The following TBC1D5 variants were observed in gnomAD, a reference collection of about 807,000 sequenced individuals.
The protein encoded by TBC1D5 is TBC1 domain family member 5.
In TBC1D5, 75 loss-of-function variants were observed where a neutral mutation model predicts 100.3. The observed-to-expected ratio is 0.75, with a 90% CI of 0.62 to 0.91. The LOEUF is 0.91. TBC1D5 is among the 40% of genes least tolerant of loss of function. The pLI, the probability that TBC1D5 is intolerant of heterozygous loss-of-function variation, is 0.00. For missense variants in TBC1D5, 910 were observed against 942.4 expected (o/e 0.97, Z 0.45); for synonymous variants, 323 against 325.6 (o/e 0.99, Z 0.09).
intron 3 of TBC1D5, among the ~76,000 whole-genome samples, chr3:17,475,965 G>A (rs1391712260): frequency 1.3e-5 from 2 of 152,036 alleles, no homozygotes; most frequent in Non-Finnish European, 2.9e-5. Flanking sequence ...TATGTTATCT[G>A]ACAGGGATTT....
chr3:17,423,033 T>A (rs573365160), intron 4 of TBC1D5, among the ~76,000 whole-genome samples: 1 of 152,270 alleles, frequency 6.6e-6, no homozygotes, highest in Non-Finnish European at 1.5e-5. Context: ...TTTTAAAAAC[T>A]TTTTACCAAC....
chr3:17,302,042 G>T (rs1382421506), intron 14 of TBC1D5, among the ~76,000 whole-genome samples: 3 of 152,178 alleles, frequency 2.0e-5, no homozygotes, highest in African/African-American at 7.2e-5. Flanking sequence ...TCACAATTCT[G>T]AAAGCTAGAA....
At chr3:17,184,343 A>G (rs879531466) in intron 19 of TBC1D5, among the ~76,000 whole-genome samples, 1 of 152,206 alleles carries the variant, frequency 6.6e-6, no homozygotes, top group Non-Finnish European at 1.5e-5. Flanking sequence ...TTTTATAAAA[A>G]AACAAAGAAT....
intron 15 of TBC1D5, among the ~76,000 whole-genome samples, chr3:17,287,422 T>G (rs1314759596): frequency 6.6e-6 from 1 of 152,228 alleles, no homozygotes; most frequent in East Asian, 1.9e-4. Context: ...TATCTGAACC[T>G]GAAAATTGTT....
chr3:17,459,451 G>A (rs2149883210), intron 3 of TBC1D5, among the ~76,000 whole-genome samples: 1 of 152,320 alleles, frequency 6.6e-6, no homozygotes, highest in East Asian at 1.9e-4. Context: ...CTCACCTCTG[G>A]CTGTGACCGG....
chr3:17,712,777 C>T (rs1303158676), intron 1 of TBC1D5, among the ~76,000 whole-genome samples: 1 of 152,174 alleles, frequency 6.6e-6, no homozygotes, highest in African/African-American at 2.4e-5. Context: ...AGGAGAGCCA[C>T]TCTGAGACGC....
chr3:17,528,623 AC>A (rs560601391), intron 2 of TBC1D5, among the ~76,000 whole-genome samples: 3 of 151,874 alleles, frequency 2.0e-5, no homozygotes, highest in Admixed American at 6.6e-5. Context: ...CTCCTCTTTC[AC>A]CCCCCCATTC....
intron 19 of TBC1D5, among the ~76,000 whole-genome samples, chr3:17,176,417 T>A (rs1679920329): frequency 1.3e-5 from 2 of 152,228 alleles, no homozygotes; most frequent in South Asian, 4.1e-4. Context: ...GGTAAGTTGG[T>A]ATTTTGGTCT....
chr3:17,249,925 GATC>G (rs2077048514), intron 16 of TBC1D5, among the ~76,000 whole-genome samples: 1 of 152,184 alleles, frequency 6.6e-6, no homozygotes, highest in Admixed American at 6.5e-5. Flanking sequence ...ACTAATTACA[GATC>G]ATCTTAACAG....
chr3:17,705,981 C>CT lies in TBC1D5; in HGVS notation c.-101+33361dup. On this transcript the variant is annotated intron_variant, in intron 1 of 21. Transcript: ENST00000253692. ...GGCGGCGCTCCTCAGCATTTCTTTA[C>CT]TCTTTTTTTTTTTTGAGACGGAGTC... 4 of 1,357,062 alleles carry CT rather than the reference C, an allele frequency of 2.9e-6. No individual in the cohort carries two copies. In the South Asian group the frequency reaches 4.2e-5, roughly 14 times the overall value. The allele number at this position is 1,357,062 out of a possible 1,614,324, so 84.1% of individuals were successfully genotyped here. A position where few individuals can be genotyped will look rare whatever the true frequency, so the allele number is the denominator to read the frequency against.
At chr3:17,679,738 G>A (rs938145927) in intron 1 of TBC1D5, among the ~76,000 whole-genome samples, 1 of 151,432 alleles carries the variant, frequency 6.6e-6, no homozygotes, top group Non-Finnish European at 1.5e-5. Context: ...TAAATTATCA[G>A]ATTCTTCATT....
chr3:17,677,885 C>G (rs1229689448), intron 1 of TBC1D5, among the ~76,000 whole-genome samples: 1 of 152,132 alleles, frequency 6.6e-6, no homozygotes, highest in African/African-American at 2.4e-5. Flanking sequence ...TCTCAGCAAA[C>G]TATCACAAGG....
At chr3:17,493,069 A>T (rs1469919220) in intron 3 of TBC1D5, among the ~76,000 whole-genome samples, 1 of 152,032 alleles carries the variant, frequency 6.6e-6, no homozygotes, top group Non-Finnish European at 1.5e-5. Flanking sequence ...AGTGGCTGGT[A>T]ATGGTTTTTC....
At chr3:17,407,166 GTAGA>G (rs1196604962) in intron 4 of TBC1D5, among the ~76,000 whole-genome samples, 2 of 152,144 alleles carry the variant, frequency 1.3e-5, no homozygotes, top group East Asian at 3.8e-4. Flanking sequence ...CTATGGCTGA[GTAGA>G]TAAACAACTG....
intron 2 of TBC1D5, among the ~76,000 whole-genome samples, chr3:17,605,271 T>G (rs1188719852): frequency 6.6e-6 from 1 of 152,200 alleles, no homozygotes; most frequent in Non-Finnish European, 1.5e-5. Flanking sequence ...AGTCACATAG[T>G]ATTAACTACT....
At chr3:17,555,257 T>G (rs959490143) in intron 2 of TBC1D5, among the ~76,000 whole-genome samples, 3 of 152,192 alleles carry the variant, frequency 2.0e-5, no homozygotes, top group Non-Finnish European at 2.9e-5. Flanking sequence ...TTTGCCAAAG[T>G]TAAGGAATAC....
At chr3:17,406,586 A>G (rs1022139816) in intron 4 of TBC1D5, 60 bp from the exon 5 acceptor site, 1 of 1,476,002 alleles carries the variant, frequency 6.8e-7, no homozygotes, top group African/African-American at 1.4e-5. Flanking sequence ...GCTTGGAGAG[A>G]AGTTCTACGG....
At chr3:17,414,293 A>G (rs1275886409) in intron 4 of TBC1D5, among the ~76,000 whole-genome samples, 1 of 152,206 alleles carries the variant, frequency 6.6e-6, no homozygotes, top group Non-Finnish European at 1.5e-5. Flanking sequence ...AGATTTATAC[A>G]ATTTCATAAT....
In TBC1D5 at chr3:17,500,998, A is replaced by T. The variant is rs562782345; in HGVS notation, c.97+7476T>A. Among the ~76,000 whole-genome samples, 6 of 149,638 alleles carry T rather than the reference A, an allele frequency of 4.0e-5. No homozygotes were observed. The South Asian group carries it at 1.3e-3, about 32-fold the overall frequency. Reference sequence around the variant, plus strand: ...TGTCACTTTGTCCTACTGTCATACCAGTTGAAAAATCTGTTTTTAAAGAGA... The same window carrying T: ...TGTCACTTTGTCCTACTGTCATACCTGTTGAAAAATCTGTTTTTAAAGAGA... On this transcript the variant is annotated intron_variant, in intron 3 of 21. Coordinates refer to ENST00000253692, the Ensembl canonical transcript of TBC1D5.
Sources: allele counts gnomAD v4.1 joint callset (sites outside exome capture counted in the v4.1 genomes callset), GRCh38; gene constraint gnomAD v4.1.1; transcripts MANE v1.5; gene names NCBI Gene and HGNC (gene_info 2026-07-23, HGNC 2026-07-21).